The following GPC5 variants were observed in gnomAD, a reference collection of about 807,000 sequenced individuals.
GPC5 encodes glypican 5, also known as glypican-5.
Under a neutral mutation model 53.9 loss-of-function variants are expected in GPC5, and 47 were observed. That is an observed-to-expected ratio of 0.87 (90% CI 0.69 to 1.11). GPC5 has a LOEUF of 1.11. Among genes scored for constraint, GPC5 ranks in the 50% most tolerant of loss-of-function variants. The probability of loss-of-function intolerance (pLI) is 0.00; values close to 1 mark genes in which losing one functional copy is unlikely to be tolerated. For synonymous variants in GPC5, 286 were observed against 263.3 expected, an observed-to-expected ratio of 1.09 and a Z score of -0.84; for missense variants, 748 against 713.1, an observed-to-expected ratio of 1.05 and a Z score of -0.56.
At chr13:91,458,124 G>A (rs1881682154) in intron 2 of GPC5, among the ~76,000 whole-genome samples, 1 of 152,084 alleles carries the variant, frequency 6.6e-6, no homozygotes, top group African/African-American at 2.4e-5. Flanking sequence ...TTTGAAGAGA[G>A]TGAAGGAGTT....
chr13:92,558,297 A>G, intron 7 of GPC5, among the ~76,000 whole-genome samples: 1 of 152,028 alleles, frequency 6.6e-6, no homozygotes, highest in East Asian at 1.9e-4. Flanking sequence ...GATTATCTCA[A>G]TGTTCTTCAT....
rs533256875 is a variant in GPC5 at position 91,551,712 on chromosome 13, G to C, written c.325+102790G>C. Among the ~76,000 whole-genome samples, 15 of 152,152 alleles carry C rather than the reference G, an allele frequency of 9.9e-5. 1 individual carries two copies. The South Asian group carries it at 2.9e-3, about 29-fold the overall frequency. The stretch of plus-strand genomic sequence containing the variant: ...GTTTCTTTTCTGTTTGTTCTGCAGA[G>C]ACATCGAAAAAGTAGAACTTTTGAA... On this transcript the variant is annotated intron_variant, in intron 2 of 7. Transcript: ENST00000377067.
chr13:92,172,164 G>T (rs556092438), intron 7 of GPC5, among the ~76,000 whole-genome samples: 7 of 152,332 alleles, frequency 4.6e-5, no homozygotes, highest in African/African-American at 1.7e-4. Context: ...TCAATGGATG[G>T]TTGAATGGGT....
intron 7 of GPC5, among the ~76,000 whole-genome samples, chr13:92,609,668 T>C (rs1884370776): frequency 6.6e-6 from 1 of 152,268 alleles, no homozygotes; most frequent in African/African-American, 2.4e-5. Flanking sequence ...ATGCATTTTG[T>C]TGATGCTTTT....
At chr13:91,806,107 C>G (rs2038216731) in intron 5 of GPC5, among the ~76,000 whole-genome samples, 1 of 126,860 alleles carries the variant, frequency 7.9e-6, no homozygotes, top group Non-Finnish European at 1.6e-5. Flanking sequence ...ATGATCTCTG[C>G]TCACTGCAAC....
intron 5 of GPC5, among the ~76,000 whole-genome samples, chr13:91,859,823 A>G (rs1385920621): frequency 1.3e-5 from 2 of 151,676 alleles, no homozygotes; most frequent in Non-Finnish European, 2.9e-5. Context: ...ACTTTTAAAC[A>G]TATGTATTTT....
At chr13:91,416,656 G>A (rs899459293) in intron 1 of GPC5, among the ~76,000 whole-genome samples, 3 of 151,800 alleles carry the variant, frequency 2.0e-5, no homozygotes, top group African/African-American at 7.3e-5. Context: ...CCCTGCCCAA[G>A]TGATCTCATT....
intron 7 of GPC5, among the ~76,000 whole-genome samples, chr13:92,717,275 A>G (rs376948292): frequency 6.6e-6 from 1 of 152,134 alleles, no homozygotes. Flanking sequence ...GCAAGAGGGA[A>G]AAAGGAGATC....
In GPC5 at chr13:92,347,854, C is replaced by A. The variant is rs9589515; in HGVS notation, c.1561+202865C>A. On this transcript the variant is annotated intron_variant, in intron 7 of 7. Transcript: ENST00000377067. The stretch of plus-strand genomic sequence containing the variant: ...TCAGCTTGAAATAGGCTGTTTTATA[C>A]ATATATATATTATATATATAATATA... Among the ~76,000 whole-genome samples, 48 of 14,678 alleles carry A rather than the reference C, an allele frequency of 3.3e-3. 2 individuals carry two copies. The highest frequency in any genetic ancestry group is 0.018 in the African/African-American group (43 of 2,426). The allele number at this position is 14,678 out of a possible 152,430, so 9.6% of individuals were successfully genotyped here.
In GPC5 at chr13:92,784,060, A is replaced by C. The variant is rs576126771; in HGVS notation, c.1562-82222A>C. 3.8e-4 allele frequency among the ~76,000 whole-genome samples: 58 copies of C among 152,170 alleles called. 1 individual carries two copies. The highest frequency in any genetic ancestry group is 7.2e-4 in the Non-Finnish European group (49 of 68,028). On this transcript the variant is annotated intron_variant, in intron 7 of 7. Transcript: ENST00000377067. Reference sequence around the variant, plus strand: ...ACAAAACTTTAATTAAACTCCTCTTACCTAAAAGCAAAGTAATGGACAAGA... The same window carrying C: ...ACAAAACTTTAATTAAACTCCTCTTCCCTAAAAGCAAAGTAATGGACAAGA...
At chr13:92,265,707 C>A (rs2042798005) in intron 7 of GPC5, among the ~76,000 whole-genome samples, 2 of 152,178 alleles carry the variant, frequency 1.3e-5, no homozygotes, top group African/African-American at 4.8e-5. Flanking sequence ...CATTACCCAG[C>A]TCCAAAGTTG....
intron 6 of GPC5, among the ~76,000 whole-genome samples, chr13:91,986,989 A>G (rs1223026028): frequency 6.6e-6 from 1 of 152,204 alleles, no homozygotes; most frequent in Non-Finnish European, 1.5e-5. Flanking sequence ...ATCAGGGATT[A>G]ATTGTCAGTT....
intron 7 of GPC5, among the ~76,000 whole-genome samples, chr13:92,544,521 G>C (rs1882036392): frequency 1.3e-5 from 2 of 152,014 alleles, no homozygotes; most frequent in African/African-American, 4.8e-5. Context: ...TTTATCTTCT[G>C]TTTTGATTTT....
chr13:92,295,399 A>G (rs9523616), intron 7 of GPC5, among the ~76,000 whole-genome samples: 44,294 of 151,732 alleles, frequency 0.29, 6,537 homozygotes, highest in Middle Eastern at 0.48. Flanking sequence ...TATAATTTCA[A>G]TTTTTTAAAA....
chr13:91,980,053 C>G (rs2040343380), intron 6 of GPC5, among the ~76,000 whole-genome samples: 1 of 151,990 alleles, frequency 6.6e-6, no homozygotes, highest in African/African-American at 2.4e-5. Context: ...TACTATAGGC[C>G]CAGAGTCCCA....
intron 5 of GPC5, among the ~76,000 whole-genome samples, chr13:91,824,670 G>A (rs1384368077): frequency 6.6e-6 from 1 of 151,850 alleles, no homozygotes; most frequent in East Asian, 1.9e-4. Context: ...TTGGTTCATG[G>A]CATACCTCCA....
intron 2 of GPC5, among the ~76,000 whole-genome samples, chr13:91,652,262 G>A (rs2034731664): frequency 6.6e-6 from 1 of 151,302 alleles, no homozygotes; most frequent in Admixed American, 6.6e-5. Flanking sequence ...AAACTGAGGT[G>A]CACAAGCAAA....
chr13:92,327,745 G>A (rs372006220), intron 7 of GPC5, among the ~76,000 whole-genome samples: 23 of 152,030 alleles, frequency 1.5e-4, no homozygotes, highest in Admixed American at 3.3e-4. Flanking sequence ...CTTTTACAAC[G>A]AAATCAAAAC....
At chr13:91,742,119 A>T (rs1270231153) in intron 4 of GPC5, among the ~76,000 whole-genome samples, 1 of 152,198 alleles carries the variant, frequency 6.6e-6, no homozygotes, top group Admixed American at 6.6e-5. Flanking sequence ...TGGAGGGAAC[A>T]TGAGCTCATG....
Sources: allele counts gnomAD v4.1 joint callset (sites outside exome capture counted in the v4.1 genomes callset), GRCh38; gene constraint gnomAD v4.1.1; transcripts MANE v1.5; gene names NCBI Gene and HGNC (gene_info 2026-07-23, HGNC 2026-07-21).